The following MAP3K15 variants were observed in gnomAD, a reference collection of about 807,000 sequenced individuals.
The protein encoded by MAP3K15 is mitogen-activated protein kinase kinase kinase 15.
A neutral mutation model predicts 99.5 loss-of-function variants in MAP3K15; 124 were observed. That is an observed-to-expected ratio of 1.25 (90% confidence interval 1.08 to 1.45). The LOEUF is 1.45. MAP3K15 is among the 40% of genes most tolerant of loss of function. The pLI is 0.00. For synonymous variants in MAP3K15, 494 were observed against 439.6 expected, an observed-to-expected ratio of 1.12 and a Z score of -1.55; for missense variants, 1,242 against 1,079.7, an observed-to-expected ratio of 1.15 and a Z score of -2.11.
chrX:19,438,170 T>A (rs931250740), intron 6 of MAP3K15, among the ~76,000 whole-genome samples: 1 of 111,776 alleles, frequency 8.9e-6, no homozygotes, highest in South Asian at 3.8e-4. Flanking sequence ...CACTGAGTGG[T>A]GTGATCACGG....
chrX:19,421,461 C>T (rs1175211377), intron 9 of MAP3K15, among the ~76,000 whole-genome samples: 3 of 110,361 alleles, frequency 2.7e-5, no homozygotes, highest in Admixed American at 9.7e-5. Flanking sequence ...ACCTAGGAAT[C>T]CAACTTACAA....
chrX:19,443,182 G>A (rs2063972225), intron 6 of MAP3K15, among the ~76,000 whole-genome samples: 1 of 106,269 alleles, frequency 9.4e-6, no homozygotes, highest in African/African-American at 3.4e-5. Flanking sequence ...ACAGGTATGT[G>A]CCACCATGCC....
chrX:19,461,536 T>G (rs926809978), intron 4 of MAP3K15, among the ~76,000 whole-genome samples: 2 of 112,893 alleles, frequency 1.8e-5, no homozygotes, highest in African/African-American at 6.4e-5. Flanking sequence ...AATGCTATTA[T>G]CTGGTATTTG....
At chrX:19,390,303 C>CTTT (rs869140702) in intron 18 of MAP3K15, among the ~76,000 whole-genome samples, 69 of 69,351 alleles carry the variant, frequency 9.9e-4, no homozygotes, top group Non-Finnish European at 1.4e-3. Flanking sequence ...CTAATTTTTT[C>CTTT]TTTTTTTTTT....
At chrX:19,438,111 A>C (rs1481361673) in intron 6 of MAP3K15, among the ~76,000 whole-genome samples, 1 of 110,877 alleles carries the variant, frequency 9.0e-6, no homozygotes, top group African/African-American at 3.3e-5. Flanking sequence ...ATCTATTATC[A>C]CTTTTGTTTT....
Position 19,398,367 on chromosome X carries a change from A to C in MAP3K15, c.1933-8T>G. On this transcript the variant is annotated splice_region_variant and splice_polypyrimidine_tract_variant and intron_variant, in intron 14 of 28. Transcript: ENST00000338883. ...ATCATGGTCATACTCATACTGAAGAAGGAAAAACAAAAGGACAAAAAAGCA... is the reference window on the plus strand; with the variant it reads ...ATCATGGTCATACTCATACTGAAGACGGAAAAACAAAAGGACAAAAAAGCA... 1 of 1,210,706 alleles carries C rather than the reference A, an allele frequency of 8.3e-7. No homozygotes were observed. Among genetic ancestry groups the C allele is most frequent in the Non-Finnish European group, 1.1e-6 (1 of 894,974 alleles).
chrX:19,464,298 T>A lies in MAP3K15; in HGVS notation c.634A>T (p.Asn212Tyr), dbSNP rs1321964088. 5.8e-6 allele frequency: 7 copies of A among 1,197,853 alleles called. No individual in the cohort carries two copies. Among genetic ancestry groups the A allele is most frequent in the Non-Finnish European group, 5.6e-6 (5 of 894,660 alleles). Residue 212 changes from asparagine (N) to tyrosine (Y), a missense_variant, in exon 4 of 29, where the codon AAC becomes TAC. Coordinates refer to ENST00000338883, the MANE Select transcript of MAP3K15 (RefSeq NM_001001671.4). Reference sequence around the variant, plus strand: ...AGCGGGCCCAGGATGTTGTCCCAGTTGGGCTGCATGTACTCGGAGGCTCGT... The same window carrying A: ...AGCGGGCCCAGGATGTTGTCCCAGTAGGGCTGCATGTACTCGGAGGCTCGT... The part of the protein sequence containing the change: ...QRRASEYMQP[N>Y]WDNILGPLCM...
chrX:19,374,564 G>A lies in MAP3K15; in HGVS notation c.2686C>T (p.Arg896Cys), dbSNP rs770297627. 5.8e-6 allele frequency: 7 copies of A among 1,209,613 alleles called. No individual in the cohort carries two copies. The highest frequency in any genetic ancestry group is 3.5e-5 in the South Asian group (2 of 56,797). The change falls in exon 20 of 29, where the codon CGT becomes TGT. Residue 896 changes from arginine to cysteine, a missense_variant. By Grantham distance (180) the Arg-to-Cys change is radical (BLOSUM62 -3). Transcript: ENST00000338883. ...LSCFEPDPHK[R>C]ATTAELLREG... ...CTCAGTAGCTCAGCAGTGGTGGCAC[G>A]TTTGTGGGGGTCAGGCTCGAAACAG...
chrX:19,391,951 G>T, intron 18 of MAP3K15, 51 bp downstream of exon 18: 1 of 934,864 alleles, frequency 1.1e-6, no homozygotes, highest in Non-Finnish European at 1.5e-6. Flanking sequence ...AGCTTGTGCA[G>T]AAAGCGTAAC....
chrX:19,445,462 C>T (rs760130834), intron 6 of MAP3K15, among the ~76,000 whole-genome samples: 9 of 106,887 alleles, frequency 8.4e-5, no homozygotes, highest in Non-Finnish European at 1.7e-4. Flanking sequence ...TGGTGACGGA[C>T]GTCTGTAATT....
chrX:19,492,439 CAG>C (rs2064374372), intron 1 of MAP3K15, among the ~76,000 whole-genome samples: 1 of 111,321 alleles, frequency 9.0e-6, no homozygotes, highest in Non-Finnish European at 1.9e-5. Flanking sequence ...AGTTTTTTAG[CAG>C]GAGACTCTCA....
At chrX:19,410,643 T>A (rs993331640) in intron 11 of MAP3K15, among the ~76,000 whole-genome samples, 1 of 111,617 alleles carries the variant, frequency 9.0e-6, no homozygotes, top group African/African-American at 3.3e-5. Context: ...TGTTAAGATA[T>A]TGAGATTTGG....
chrX:19,392,015 T>C lies in MAP3K15; in HGVS notation c.2418A>G (p.Thr806=). ...TGGTCCACTTACCAGTAAAAGTCTC[T>C]GTGCAGGGGTTCACACCCGCAAGAC... is the stretch of plus-strand genomic sequence containing the variant. ...SKRLAGVNPC[T]ETFTGTLQYM... Residue 806 remains threonine (T), a synonymous_variant, in exon 18 of 29, where the codon ACA becomes ACG. Transcript: ENST00000338883. The C allele has an allele frequency of 8.3e-7, 1 of 1,206,331 alleles. No individual in the cohort carries two copies. The highest frequency in any genetic ancestry group is 1.1e-6 in the Non-Finnish European group (1 of 890,770).
At chrX:19,365,165 C>T (rs764826276) in intron 25 of MAP3K15, among the ~76,000 whole-genome samples, 2 of 108,324 alleles carry the variant, frequency 1.8e-5, no homozygotes, top group South Asian at 4.1e-4. Context: ...GCAGAGATTG[C>T]ACCACTGCAC....
At position 19,371,543 on chromosome X, in the gene MAP3K15, A is replaced by G; in HGVS notation, c.3109-13T>C. ...ACTCTTCGGAACTCTGAAAACACAC[A>G]CAAATCATTTTCATTGAGTCAGATT... is the stretch of plus-strand genomic sequence containing the variant. On this transcript the variant is annotated splice_polypyrimidine_tract_variant and intron_variant, in intron 22 of 28. Transcript: ENST00000338883. The G allele has an allele frequency of 8.4e-7, 1 of 1,187,489 alleles. No homozygotes were observed. The highest frequency in any genetic ancestry group is 1.1e-6 in the Non-Finnish European group (1 of 876,402).
intron 13 of MAP3K15, among the ~76,000 whole-genome samples, chrX:19,405,083 A>G (rs935544968): frequency 9.0e-6 from 1 of 111,557 alleles, no homozygotes; most frequent in African/African-American, 3.3e-5. Context: ...AAGACAACCT[A>G]CAGGATGGGA....
chrX:19,499,584 T>G (rs2064428312), intron 1 of MAP3K15, among the ~76,000 whole-genome samples: 1 of 112,628 alleles, frequency 8.9e-6, no homozygotes, highest in Non-Finnish European at 1.9e-5. Context: ...GGTATATTCT[T>G]ACAATAAAAT....
At chrX:19,405,480 C>T (rs2063641515) in intron 13 of MAP3K15, among the ~76,000 whole-genome samples, 1 of 112,454 alleles carries the variant, frequency 8.9e-6, no homozygotes, top group Admixed American at 9.5e-5. Flanking sequence ...TGATGATGAA[C>T]TCTTTCAGGT....
chrX:19,371,585 A>G, intron 22 of MAP3K15, 55 bp from the exon 23 acceptor site: 2 of 1,065,697 alleles, frequency 1.9e-6, no homozygotes, highest in Non-Finnish European at 2.6e-6. Context: ...GCGAGAGTTC[A>G]GAACACACTG....
Sources: gnomAD v4.1 joint callset for allele counts (sites outside exome capture counted in the v4.1 genomes callset) on GRCh38, gnomAD v4.1.1 for gene constraint, MANE v1.5 for transcripts, NCBI Gene and HGNC (gene_info 2026-07-23, HGNC 2026-07-21) for gene names.